GRIK2: variants seen among roughly 807,000 people sequenced by gnomAD.
GRIK2 encodes glutamate ionotropic receptor kainate type subunit 2.
Under a neutral mutation model 100.3 loss-of-function variants are expected in GRIK2, and 32 were observed. That is an observed-to-expected ratio of 0.32 (90% CI 0.24 to 0.43). The LOEUF is 0.43. Ranked by LOEUF, GRIK2 falls within the 20% of genes least tolerant of loss-of-function variation. GRIK2 has a pLI of 1.00. For synonymous variants in GRIK2, 417 were observed against 389.4 expected, an observed-to-expected ratio of 1.07 and a Z score of -0.83; for missense variants, 843 against 1,114.9, an observed-to-expected ratio of 0.76 and a Z score of 3.47.
chr6:101,722,282 T>A lies in GRIK2; in HGVS notation c.951+35929T>A, dbSNP rs150392747. ...AGAACTGATATCTACTAAATCTTTC[T>A]ATTAGGTAGTCCATTAAAAACAAAC... On this transcript the variant is annotated intron_variant, in intron 7 of 16. Coordinates refer to ENST00000369134, the MANE Select transcript of GRIK2 (RefSeq NM_021956.5). Among the ~76,000 whole-genome samples, 105 of 152,146 alleles carry A rather than the reference T, an allele frequency of 6.9e-4. 3 individuals carry two copies. In the Middle Eastern group the frequency reaches 0.042, roughly 61 times the overall value.
intron 10 of GRIK2, among the ~76,000 whole-genome samples, chr6:101,853,730 T>C (rs1002240335): frequency 2.0e-5 from 3 of 152,304 alleles, no homozygotes; most frequent in Middle Eastern, 3.4e-3. Flanking sequence ...CTGTGGTATA[T>C]TCACACTATG....
chr6:101,671,799 G>T (rs1023403055), intron 4 of GRIK2, among the ~76,000 whole-genome samples: 1 of 152,168 alleles, frequency 6.6e-6, no homozygotes, highest in African/African-American at 2.4e-5. Context: ...AGGAGGCGGA[G>T]GTTGTAGTGA....
chr6:101,959,473 T>C (rs1225327907), intron 14 of GRIK2, among the ~76,000 whole-genome samples: 1 of 152,280 alleles, frequency 6.6e-6, no homozygotes, highest in African/African-American at 2.4e-5. Context: ...CTTCTCTCCA[T>C]TTTTCATGGT....
intron 2 of GRIK2, among the ~76,000 whole-genome samples, chr6:101,560,549 T>C (rs1350921079): frequency 6.6e-6 from 1 of 152,074 alleles, no homozygotes; most frequent in South Asian, 2.1e-4. Flanking sequence ...TGGAAGCACA[T>C]TGTAGATAAT....
At chr6:101,919,527 A>G (rs748778606) in intron 12 of GRIK2, among the ~76,000 whole-genome samples, 4 of 151,858 alleles carry the variant, frequency 2.6e-5, no homozygotes, top group African/African-American at 7.2e-5. Flanking sequence ...GGTAATGGTG[A>G]GCTACCTAGG....
intron 7 of GRIK2, among the ~76,000 whole-genome samples, chr6:101,751,544 CT>C (rs979041301): frequency 2.0e-5 from 3 of 152,168 alleles, no homozygotes; most frequent in Non-Finnish European, 4.4e-5. Context: ...AAACTAATAA[CT>C]TTTTAACATC....
At chr6:101,789,138 T>G (rs1245533025) in intron 7 of GRIK2, among the ~76,000 whole-genome samples, 1 of 152,220 alleles carries the variant, frequency 6.6e-6, no homozygotes, top group Non-Finnish European at 1.5e-5. Context: ...TGCGAAAATT[T>G]TCTCCCATTT....
intron 7 of GRIK2, among the ~76,000 whole-genome samples, chr6:101,722,439 A>T (rs1774550686): frequency 6.6e-6 from 1 of 152,052 alleles, no homozygotes. Flanking sequence ...ACATGATCTA[A>T]TTGTGTTTAT....
intron 7 of GRIK2, among the ~76,000 whole-genome samples, chr6:101,733,431 T>G (rs1461372674): frequency 6.6e-6 from 1 of 152,118 alleles, no homozygotes; most frequent in Non-Finnish European, 1.5e-5. Context: ...AATTTAGGCC[T>G]CCTTCATTCT....
intron 2 of GRIK2, among the ~76,000 whole-genome samples, chr6:101,576,557 C>T (rs922867653): frequency 2.6e-5 from 4 of 151,438 alleles, no homozygotes; most frequent in South Asian, 2.1e-4. Flanking sequence ...GATGTGTTTA[C>T]CAAGATTTTT....
At chr6:101,516,382 A>G (rs970765453) in intron 2 of GRIK2, among the ~76,000 whole-genome samples, 1 of 152,112 alleles carries the variant, frequency 6.6e-6, no homozygotes, top group African/African-American at 2.4e-5. Context: ...ACTGGTATAA[A>G]AATGGGCACA....
Position 101,958,253 on chromosome 6 carries a change from T to TTCTGTGTGTGTGTGTG in GRIK2, c.2085+29622_2085+29623insCTGTGTGTGTGTGTGT, listed in dbSNP as rs150156844. On this transcript the variant is annotated intron_variant, in intron 14 of 16. Coordinates refer to ENST00000369134, the MANE Select transcript of GRIK2 (RefSeq NM_021956.5). ...CTTGTTTAAATGTATTGCTACATATTTGTGTGTGTGTGTGTGTGTGTGTGT... is the reference window on the plus strand; with the variant it reads ...CTTGTTTAAATGTATTGCTACATATTTCTGTGTGTGTGTGTGTGTGTGTGTGTGTGTGTGTGTGTGT... Among the ~76,000 whole-genome samples, 677 of 139,522 alleles carry TTCTGTGTGTGTGTGTG rather than the reference T, an allele frequency of 4.9e-3. 6 individuals are homozygous for TTCTGTGTGTGTGTGTG. Among genetic ancestry groups the TTCTGTGTGTGTGTGTG allele is most frequent in the Admixed American group, 8.4e-3 (113 of 13,496 alleles). The allele number at this position is 139,522 out of a possible 152,430, so 91.5% of individuals were successfully genotyped here.
At chr6:101,890,320 A>T (rs1786964162) in intron 12 of GRIK2, 1 of 153,530 alleles carries the variant, frequency 6.5e-6, no homozygotes, top group African/African-American at 2.4e-5. Flanking sequence ...GGACTACCTT[A>T]GTATTCTACA....
At chr6:101,745,744 T>C (rs1776385358) in intron 7 of GRIK2, among the ~76,000 whole-genome samples, 1 of 152,216 alleles carries the variant, frequency 6.6e-6, no homozygotes, top group Admixed American at 6.5e-5. Flanking sequence ...GCTATATTTT[T>C]AGATGTTTCC....
At chr6:101,848,034 T>G (rs1417866814) in intron 10 of GRIK2, among the ~76,000 whole-genome samples, 2 of 152,224 alleles carry the variant, frequency 1.3e-5, no homozygotes, top group East Asian at 3.9e-4. Context: ...AGCCCATCCC[T>G]CTGGGAGCCA....
At chr6:101,815,984 A>G (rs1227929339) in intron 9 of GRIK2, among the ~76,000 whole-genome samples, 1 of 152,210 alleles carries the variant, frequency 6.6e-6, no homozygotes, top group Non-Finnish European at 1.5e-5. Context: ...TAGAAAAGCA[A>G]CTAACCAATA....
chr6:101,826,656 C>T lies in GRIK2; in HGVS notation c.1317+8173C>T, dbSNP rs1467608166. On this transcript the variant is annotated intron_variant, in intron 10 of 16. Coordinates refer to ENST00000369134, the MANE Select transcript of GRIK2 (RefSeq NM_021956.5). ...AAATAGTACATTTGATTGATTCAAA[C>T]TTCAGCTTTTTCTTTCTTACTATCT... Among the ~76,000 whole-genome samples the T allele has an allele frequency of 3.3e-5, 5 of 151,994 alleles. No homozygotes were observed. The South Asian group carries it at 1.0e-3, about 31-fold the overall frequency.
chr6:101,864,660 A>T (rs2128445525), intron 11 of GRIK2, among the ~76,000 whole-genome samples: 1 of 152,246 alleles, frequency 6.6e-6, no homozygotes, highest in South Asian at 2.1e-4. Context: ...TACTATTAAA[A>T]TTATTATTAT....
chr6:101,834,734 T>A (rs912850515), intron 10 of GRIK2, among the ~76,000 whole-genome samples: 2 of 152,194 alleles, frequency 1.3e-5, no homozygotes, highest in African/African-American at 4.8e-5. Context: ...GTGTTCATGG[T>A]TTTTTTAAAT....
Sources: gnomAD v4.1 joint callset for allele counts (sites outside exome capture counted in the v4.1 genomes callset) on GRCh38, gnomAD v4.1.1 for gene constraint, MANE v1.5 for transcripts, NCBI Gene and HGNC (gene_info 2026-07-23, HGNC 2026-07-21) for gene names.